BTRC: variants seen among roughly 807,000 people sequenced by gnomAD.
BTRC encodes beta-transducin repeat containing E3 ubiquitin protein ligase.
Under a neutral mutation model 85.5 loss-of-function variants are expected in BTRC, and 42 were observed. The ratio of observed to expected loss-of-function variants is 0.49; its 90% CI spans 0.38 to 0.64. BTRC has a LOEUF of 0.64. Among genes scored for constraint, BTRC ranks in the 30% least tolerant of loss-of-function variants. BTRC has a pLI of 0.00. For synonymous variants in BTRC, 255 were observed against 263.3 expected, an observed-to-expected ratio of 0.97 and a Z score of 0.30; for missense variants, 594 against 743.5, an observed-to-expected ratio of 0.80 and a Z score of 2.34.
chr10:101,426,551 TTG>T (rs1944256658), intron 1 of BTRC, among the ~76,000 whole-genome samples: 2 of 152,186 alleles, frequency 1.3e-5, no homozygotes, highest in South Asian at 4.1e-4. Context: ...AAATTCTTTG[TTG>T]TTAGTAGTTT....
intron 10 of BTRC, 94 bp downstream of exon 10, chr10:101,535,004 C>A: frequency 7.2e-7 from 1 of 1,395,502 alleles, no homozygotes; most frequent in Non-Finnish European, 1.0e-6. Flanking sequence ...AACGTTGCTA[C>A]AGAAAAATGT....
At chr10:101,475,953 A>ATATATATATTTT (rs1265691229) in intron 3 of BTRC, among the ~76,000 whole-genome samples, 3 of 133,806 alleles carry the variant, frequency 2.2e-5, no homozygotes, top group Non-Finnish European at 3.2e-5. Flanking sequence ...ATATATATAT[A>ATATATATATTTT]TTCAGTAATT....
At chr10:101,478,492 T>C (rs886105572) in intron 3 of BTRC, among the ~76,000 whole-genome samples, 3 of 151,784 alleles carry the variant, frequency 2.0e-5, no homozygotes, top group African/African-American at 7.3e-5. Flanking sequence ...TTTATTGTTC[T>C]GAATAAGAAA....
At chr10:101,421,249 T>C (rs1009839336) in intron 1 of BTRC, among the ~76,000 whole-genome samples, 5 of 152,126 alleles carry the variant, frequency 3.3e-5, no homozygotes, top group African/African-American at 1.2e-4. Context: ...ACCTCTTGGG[T>C]GCGATTTCTT....
chr10:101,441,137 T>G (rs1176329988), intron 2 of BTRC, among the ~76,000 whole-genome samples: 1 of 152,190 alleles, frequency 6.6e-6, no homozygotes, highest in Non-Finnish European at 1.5e-5. Context: ...TTCTACAGGA[T>G]GAATGAAAAC....
At chr10:101,404,023 TATATA>T (rs1274238548) in intron 1 of BTRC, among the ~76,000 whole-genome samples, 5 of 31,490 alleles carry the variant, frequency 1.6e-4, no homozygotes, top group African/African-American at 2.1e-4. Context: ...TATATATATA[TATATA>T]TATTTTTTTT....
chr10:101,523,002 G>A (rs535682988), intron 5 of BTRC, among the ~76,000 whole-genome samples: 3 of 152,192 alleles, frequency 2.0e-5, no homozygotes, highest in Admixed American at 1.3e-4. Context: ...TCAAGAGTTC[G>A]AGACCAGCAT....
chr10:101,521,556 A>G, intron 4 of BTRC, 83 bp from the exon 5 acceptor site: 1 of 942,768 alleles, frequency 1.1e-6, no homozygotes, highest in Non-Finnish European at 1.6e-6. Context: ...GACATAATAT[A>G]GCATGCCATA....
In BTRC at chr10:101,424,368, A is replaced by G. The variant is rs1017259612; in HGVS notation, c.49-5977A>G. Reference sequence around the variant, plus strand: ...ACTAAATTGGGATTCTTAAGAGGCAATCATTGGATTTGTAGGTAAAGTCTG... The same window carrying G: ...ACTAAATTGGGATTCTTAAGAGGCAGTCATTGGATTTGTAGGTAAAGTCTG... On this transcript the variant is annotated intron_variant, in intron 1 of 14. Transcript: ENST00000370187. 2.6e-5 allele frequency among the ~76,000 whole-genome samples: 4 copies of G among 152,284 alleles called. No homozygotes were observed. In the East Asian group the frequency reaches 5.8e-4, roughly 22 times the overall value.
intron 4 of BTRC, among the ~76,000 whole-genome samples, chr10:101,506,306 G>A (rs1301509640): frequency 6.6e-6 from 1 of 152,152 alleles, no homozygotes. Context: ...CACTATTGTA[G>A]CACATGGTGA....
At chr10:101,385,497 T>C (rs1324259235) in intron 1 of BTRC, among the ~76,000 whole-genome samples, 1 of 151,328 alleles carries the variant, frequency 6.6e-6, no homozygotes, top group Non-Finnish European at 1.5e-5. Context: ...TTGTCTTATC[T>C]AAAATGTCAC....
In BTRC at chr10:101,355,253, G is replaced by A. The variant is rs186010930; in HGVS notation, c.48+1025G>A. ...TTGAGAAATTTAGGAGATAAAAAGG[G>A]TGGAGGTTGGTAGAGGGAAGTAAGT... On this transcript the variant is annotated intron_variant, in intron 1 of 14. Coordinates refer to ENST00000370187, the MANE Select transcript of BTRC (RefSeq NM_033637.4). Among the ~76,000 whole-genome samples, 369 of 152,270 alleles carry A rather than the reference G, an allele frequency of 2.4e-3. 3 individuals are homozygous for A. The highest frequency in any genetic ancestry group is 8.4e-3 in the African/African-American group (349 of 41,558).
chr10:101,436,904 G>A (rs997891206), intron 2 of BTRC, among the ~76,000 whole-genome samples: 1 of 152,058 alleles, frequency 6.6e-6, no homozygotes, highest in Non-Finnish European at 1.5e-5. Flanking sequence ...GGAAAATTAG[G>A]CATTATTCAT....
intron 4 of BTRC, among the ~76,000 whole-genome samples, chr10:101,503,841 G>A (rs1293131325): frequency 6.6e-6 from 1 of 152,188 alleles, no homozygotes; most frequent in African/African-American, 2.4e-5. Context: ...TCAGGAGCAA[G>A]TTTTACCAAG....
rs71016332 is a variant in BTRC, at chr10:101,547,328, C to CTTTT, written c.1657-3348_1657-3345dup. Among the ~76,000 whole-genome samples the CTTTT allele has an allele frequency of 4.1e-4, 33 of 79,636 alleles. 1 individual carries two copies. The highest frequency in any genetic ancestry group is 5.8e-4 in the Non-Finnish European group (24 of 41,054). 52.2% of individuals were successfully genotyped at this position (79,636 alleles called of 152,430 possible). A position where few individuals can be genotyped will look rare whatever the true frequency, so the allele number is the denominator to read the frequency against. ...ATAAATAAGTAAATATATGGTTTTT[C>CTTTT]TTTTTTTTTTTTTTTTTTTTTTTTT... On this transcript the variant is annotated intron_variant, in intron 13 of 14. Transcript: ENST00000370187.
At chr10:101,491,759 A>C (rs1344855153) in intron 4 of BTRC, among the ~76,000 whole-genome samples, 1 of 151,940 alleles carries the variant, frequency 6.6e-6, no homozygotes, top group Non-Finnish European at 1.5e-5. Flanking sequence ...AAATATTTTT[A>C]TATTTTGATT....
chr10:101,508,938 T>TAAAAAAAAAAAAAAAAAAAA (rs1554890315), intron 4 of BTRC, among the ~76,000 whole-genome samples: 7 of 106,538 alleles, frequency 6.6e-5, no homozygotes, highest in Non-Finnish European at 1.3e-4. Flanking sequence ...AAAAAAAAAC[T>TAAAAAAAAAAAAAAAAAAAA]AAAAGTAGAA....
rs2062056132 is a variant in BTRC, at chr10:101,518,535, T to G, written c.325-3104T>G. ...AGAATAGGACATAATCTCCGCCTTT[T>G]GATGGGAGGAGTAGCATTCATGTAG... On this transcript the variant is annotated intron_variant, in intron 4 of 14. Transcript: ENST00000370187. 3.3e-5 allele frequency among the ~76,000 whole-genome samples: 5 copies of G among 152,326 alleles called. No individual in the cohort carries two copies. The South Asian group carries it at 1.0e-3, about 32-fold the overall frequency.
intron 2 of BTRC, among the ~76,000 whole-genome samples, chr10:101,438,104 C>T (rs1024198973): frequency 3.3e-5 from 5 of 151,966 alleles, no homozygotes; most frequent in African/African-American, 7.3e-5. Context: ...TAACTTTTTA[C>T]GTGTGTTGGA....
Sources: allele counts gnomAD v4.1 joint callset (sites outside exome capture counted in the v4.1 genomes callset), GRCh38; gene constraint gnomAD v4.1.1; transcripts MANE v1.5; gene names NCBI Gene and HGNC (gene_info 2026-07-23, HGNC 2026-07-21).